ZNF331: variants seen among roughly 807,000 people sequenced by gnomAD.
ZNF331 encodes zinc finger protein 331.
A neutral mutation model predicts 7.0 loss-of-function variants in ZNF331; 2 were observed. That is an observed-to-expected ratio of 0.29 (90% CI 0.12 to 0.90). The LOEUF (loss-of-function observed/expected upper bound fraction) is 0.90. ZNF331 is among the 40% of genes least tolerant of loss of function. ZNF331 has a pLI of 0.58. For synonymous variants in ZNF331, 196 were observed against 205.4 expected (o/e 0.95, Z 0.39); for missense variants, 432 against 587.7 (o/e 0.74, Z 2.74).
chr19:53,571,623 A>T lies in ZNF331; in HGVS notation c.29A>T (p.Asp10Val). MAQGLVTFA[D>V]VAIDFSQEEW... ...TTTCAGGGTTTGGTGACGTTCGCCG[A>T]CGTAGCCATAGACTTTTCTCAGGAG... is the stretch of plus-strand genomic sequence containing the variant. Residue 10 changes from aspartate (D) to valine (V), a missense_variant, in exon 5 of 6, where the codon GAC (aspartate) becomes GTC (valine). By Grantham distance (152) the Asp-to-Val change is radical (BLOSUM62 -3). Transcript: ENST00000449416. This position sits in a 1 kb window ranked among gnomAD's most constrained non-coding sequence, Gnocchi z 4.7. 6.2e-7 allele frequency: 1 copy of T among 1,613,990 alleles called. No homozygotes were observed. The highest frequency in any genetic ancestry group is 8.5e-7 in the Non-Finnish European group (1 of 1,179,992).
intron 2 of ZNF331, among the ~76,000 whole-genome samples, chr19:53,541,358 G>A (rs779169919): frequency 6.6e-5 from 10 of 151,938 alleles, no homozygotes; most frequent in East Asian, 1.9e-4. Context: ...TGCCTGCCTC[G>A]GCCTCCCAAA....
Position 53,575,496 on chromosome 19 carries a change from T to C in ZNF331, c.137-1201T>C, listed in dbSNP as rs543091225. 4.3e-3 allele frequency among the ~76,000 whole-genome samples: 620 copies of C among 143,730 alleles called. 4 individuals carry two copies. The highest frequency in any genetic ancestry group is 0.016 in the African/African-American group (595 of 37,616). 94.3% of individuals were successfully genotyped at this position (143,730 alleles called of 152,430 possible). A position where few individuals can be genotyped will look rare whatever the true frequency, so the allele number is the denominator to read the frequency against. On this transcript the variant is annotated intron_variant, in intron 5 of 5. Coordinates refer to ENST00000449416, the MANE Select transcript of ZNF331 (RefSeq NM_001079906.2). ...TTGAATGTTGTATTCTTTTACCCAG[T>C]TGCTTTTTTTTTTTTTTTTTTTTTT...
chr19:53,506,424 C>G, the ZNF331 span, among the ~76,000 whole-genome samples: 35 of 88,586 alleles, frequency 4.0e-4, no homozygotes, highest in East Asian at 1.2e-3. Flanking sequence ...CTCTCTCTCT[C>G]TCTCTCTCTC....
Position 53,560,290 on chromosome 19 carries a change from CAT to C in ZNF331, c.-74+4392_-74+4393del, listed in dbSNP as rs150393035. Among the ~76,000 whole-genome samples, 1,068 of 151,322 alleles carry C rather than the reference CAT, an allele frequency of 7.1e-3. 9 individuals are homozygous for C. The highest frequency in any genetic ancestry group is 0.025 in the African/African-American group (1,013 of 41,180). On this transcript the variant is annotated intron_variant, in intron 3 of 5. Coordinates refer to ENST00000449416, the MANE Select transcript of ZNF331 (RefSeq NM_001079906.2). This position sits in a 1 kb window ranked among gnomAD's most constrained non-coding sequence, Gnocchi z 4.3. The stretch of plus-strand genomic sequence containing the variant: ...TATATACACACACCATATATATGCA[CAT>C]ATATATATACACCCACACCATATAC...
chr19:53,545,390 G>A (rs1389995781), intron 2 of ZNF331, among the ~76,000 whole-genome samples: 4 of 152,242 alleles, frequency 2.6e-5, no homozygotes, highest in Non-Finnish European at 5.9e-5. Flanking sequence ...AATCCAGCAA[G>A]CAAGGGGCAC....
intron 3 of ZNF331, among the ~76,000 whole-genome samples, chr19:53,561,806 T>G (rs564419772): frequency 1.3e-5 from 2 of 152,130 alleles, no homozygotes; most frequent in South Asian, 4.2e-4. Context: ...TGAGCCGTGA[T>G]CCCACCACTG....
intron 5 of ZNF331, among the ~76,000 whole-genome samples, chr19:53,572,690 T>C (rs1160416792): frequency 1.3e-5 from 2 of 151,178 alleles, no homozygotes; most frequent in Admixed American, 1.3e-4. Flanking sequence ...CTGTGTGCCA[T>C]GCACTGTGCT....
At chr19:53,503,587 A>G in the ZNF331 span, 1 of 727,872 alleles carries the variant, frequency 1.4e-6, no homozygotes, top group Non-Finnish European at 2.5e-6. Context: ...TCCCACAGAC[A>G]ATGGCAGCTT....
the ZNF331 span, among the ~76,000 whole-genome samples, chr19:53,511,810 G>A: frequency 1.3e-5 from 2 of 152,150 alleles, no homozygotes. Context: ...AATATTTGCT[G>A]TGATTCTACA....
chr19:53,531,902 T>C (rs1379362552), intron 2 of ZNF331, among the ~76,000 whole-genome samples: 2 of 152,202 alleles, frequency 1.3e-5, no homozygotes, highest in African/African-American at 2.4e-5. Context: ...GGGCCACATA[T>C]AGTTCTGTAT....
chr19:53,574,331 C>T (rs182834926), intron 5 of ZNF331, among the ~76,000 whole-genome samples: 13 of 152,100 alleles, frequency 8.5e-5, no homozygotes, highest in Non-Finnish European at 1.5e-4. Flanking sequence ...GTCAGCCACC[C>T]GTACAAAGAG....
At chr19:53,575,808 G>A (rs1334505243) in intron 5 of ZNF331, among the ~76,000 whole-genome samples, 5 of 148,870 alleles carry the variant, frequency 3.4e-5, no homozygotes, top group East Asian at 4.1e-4. Flanking sequence ...CTCAGCCTCC[G>A]GAGTAGCTGG....
chr19:53,577,835 G>A lies in ZNF331; in HGVS notation c.1275G>A (p.Gln425=). Residue 425 remains glutamine (Q), a synonymous_variant, in exon 6 of 6, where the codon CAG becomes CAA. Transcript: ENST00000449416. ...GGAAGAGCTTTAGTCACGGCCATCAGCTTACACAACATCAGAAAACGCACA... is the reference window on the plus strand; with the variant it reads ...GGAAGAGCTTTAGTCACGGCCATCAACTTACACAACATCAGAAAACGCACA... The part of the protein sequence containing the change: ...ECGKSFSHGH[Q]LTQHQKTHSG... The A allele has an allele frequency of 6.2e-7, 1 of 1,613,574 alleles. No individual in the cohort carries two copies. The highest frequency in any genetic ancestry group is 8.5e-7 in the Non-Finnish European group (1 of 1,179,932).
At chr19:53,512,899 A>T in the ZNF331 span, among the ~76,000 whole-genome samples, 2 of 149,974 alleles carry the variant, frequency 1.3e-5, no homozygotes, top group African/African-American at 4.9e-5. Context: ...CCGTCTGTGG[A>T]AAAACTGCCT....
At chr19:53,522,384 A>C (rs1036626564) in intron 1 of ZNF331, among the ~76,000 whole-genome samples, 1 of 151,494 alleles carries the variant, frequency 6.6e-6, no homozygotes, top group East Asian at 1.9e-4. Flanking sequence ...CCACAGGCGC[A>C]CGCCACCATG....
intron 5 of ZNF331, among the ~76,000 whole-genome samples, chr19:53,574,630 C>T (rs56206220): frequency 0.1 from 15,723 of 152,100 alleles, 1,216 homozygotes; most frequent in African/African-American, 0.22. Flanking sequence ...TTCTTTTTCT[C>T]ATATCTAGGT....
chr19:53,516,941 G>C (rs1269598710), upstream of ZNF331, among the ~76,000 whole-genome samples: 2 of 152,138 alleles, frequency 1.3e-5, no homozygotes, highest in African/African-American at 4.8e-5. Flanking sequence ...TTGAGAATTT[G>C]TATACCAAAT....
chr19:53,578,048 A>G lies in ZNF331; in HGVS notation c.*96A>G. 1 of 1,364,676 alleles carries G rather than the reference A, an allele frequency of 7.3e-7. No homozygotes were observed. The highest frequency in any genetic ancestry group is 1.5e-5 in the South Asian group (1 of 65,996). The allele number at this position is 1,364,676 out of a possible 1,614,324, so 84.5% of individuals were successfully genotyped here. Reference sequence around the variant, plus strand: ...ACTGCAGTTCAAAAATATTAAATGGAAAATTCCAGAAATAAAGAATTTTAA... The same window carrying G: ...ACTGCAGTTCAAAAATATTAAATGGGAAATTCCAGAAATAAAGAATTTTAA... On this transcript the variant is annotated 3_prime_UTR_variant, in exon 6 of 6. Coordinates refer to ENST00000449416, the MANE Select transcript of ZNF331 (RefSeq NM_001079906.2).
intron 2 of ZNF331, among the ~76,000 whole-genome samples, chr19:53,525,198 T>C (rs1220604719): frequency 6.6e-6 from 1 of 152,222 alleles, no homozygotes; most frequent in Non-Finnish European, 1.5e-5. Context: ...TCAGGTAGTG[T>C]GATGCCTCCA....
Sources: gnomAD v4.1 joint callset for allele counts (sites outside exome capture counted in the v4.1 genomes callset) on GRCh38, gnomAD v4.1.1 for gene constraint, Gnocchi (gnomAD v3.1) non-coding constraint, MANE v1.5 for transcripts, NCBI Gene and HGNC (gene_info 2026-07-23, HGNC 2026-07-21) for gene names.